Variants in OTUD7A observed in about 807,000 individuals in gnomAD.
OTUD7A encodes the protein OTU domain-containing protein 7A.
A neutral mutation model predicts 65.7 loss-of-function variants in OTUD7A; 12 were observed. The observed-to-expected ratio is 0.18, with a 90% CI of 0.12 to 0.30. OTUD7A has a LOEUF of 0.30. Among genes scored for constraint, OTUD7A ranks in the 10% least tolerant of loss-of-function variants. OTUD7A has a pLI of 1.00. For synonymous variants in OTUD7A, 641 were observed against 586.3 expected, an observed-to-expected ratio of 1.09 and a Z score of -1.35; for missense variants, 1,148 against 1,304.8, an observed-to-expected ratio of 0.88 and a Z score of 1.85.
At chr15:31,700,455 C>T (rs976587913) in intron 1 of OTUD7A, among the ~76,000 whole-genome samples, 1 of 151,588 alleles carries the variant, frequency 6.6e-6, no homozygotes, top group African/African-American at 2.4e-5. Context: ...TCAAGTCAGT[C>T]AAGACTGAAA....
Position 31,701,383 on chromosome 15 carries a change from A to G in OTUD7A, c.-99-44306T>C, listed in dbSNP as rs371255923. ...TTACAATTTTTTCCTAACTTAAAAA[A>G]TTATTATTTAAAGTTATTATAATTT... On this transcript the variant is annotated intron_variant, in intron 1 of 12. Transcript: ENST00000307050. Among the ~76,000 whole-genome samples the G allele has an allele frequency of 8.0e-3, 1,215 of 151,322 alleles. 11 individuals carry two copies. The highest frequency in any genetic ancestry group is 0.014 in the Non-Finnish European group (944 of 67,818).
At chr15:31,520,205 A>G (rs2041918919) in intron 8 of OTUD7A, among the ~76,000 whole-genome samples, 2 of 152,242 alleles carry the variant, frequency 1.3e-5, no homozygotes, top group Admixed American at 1.3e-4. Context: ...AAAAGAACAA[A>G]GCTGAAGGAT....
chr15:31,747,278 G>T (rs925861324), intron 1 of OTUD7A, among the ~76,000 whole-genome samples: 1 of 151,944 alleles, frequency 6.6e-6, no homozygotes, highest in South Asian at 2.1e-4. Flanking sequence ...TTATGACAAC[G>T]CCTAGAAGCA....
chr15:31,547,124 T>TAACTCTAAGAGAAAA (rs1888156711), intron 5 of OTUD7A, among the ~76,000 whole-genome samples: 1 of 152,240 alleles, frequency 6.6e-6, no homozygotes, highest in South Asian at 2.1e-4. Context: ...GAACCTGAGA[T>TAACTCTAAGAGAAAA]GACATTTTGA....
intron 5 of OTUD7A, among the ~76,000 whole-genome samples, chr15:31,552,733 C>T (rs1888364950): frequency 6.6e-6 from 1 of 152,256 alleles, no homozygotes; most frequent in Non-Finnish European, 1.5e-5. Flanking sequence ...TTGCCCAACG[C>T]TGCACCTGGC....
rs1167749923 is a variant in OTUD7A, at chr15:31,483,966, C to G, written c.2130G>C (p.Val710=). 2 of 1,138,872 alleles carry G rather than the reference C, an allele frequency of 1.8e-6. No homozygotes were observed. The highest frequency in any genetic ancestry group is 3.9e-5 in the Admixed American group (1 of 25,822). The allele number at this position is 1,138,872 out of a possible 1,614,324, so 70.5% of individuals were successfully genotyped here. A position where few individuals can be genotyped will look rare whatever the true frequency, so the allele number is the denominator to read the frequency against. The change falls in exon 13 of 13, where the codon GTG becomes GTC. Residue 710 remains valine, a synonymous_variant. Transcript: ENST00000307050. ...RPPRRPETEG[V]PVPERASPGP... ...CCGGAGAGGCGCGCTCCGGGACCGGCACGCCCTCCGTCTCCGGTCTGCGCG... is the reference window on the plus strand; with the variant it reads ...CCGGAGAGGCGCGCTCCGGGACCGGGACGCCCTCCGTCTCCGGTCTGCGCG...
intron 3 of OTUD7A, among the ~76,000 whole-genome samples, chr15:31,651,599 ACACAC>A (rs1891839511): frequency 1.3e-5 from 2 of 151,630 alleles, no homozygotes; most frequent in East Asian, 3.9e-4. Flanking sequence ...ACACACACAC[ACACAC>A]ACACACACAC....
At chr15:31,811,408 G>A (rs1349422289) in intron 1 of OTUD7A, among the ~76,000 whole-genome samples, 3 of 151,636 alleles carry the variant, frequency 2.0e-5, no homozygotes, top group African/African-American at 7.3e-5. Context: ...TATGATGTGG[G>A]CTGTGTCTGT....
intron 1 of OTUD7A, among the ~76,000 whole-genome samples, chr15:31,693,237 GGA>G (rs1892997696): frequency 2.6e-5 from 4 of 152,226 alleles, no homozygotes; most frequent in Admixed American, 2.0e-4. Flanking sequence ...GAAATAAAGA[GGA>G]GAGTCTCTTT....
intron 3 of OTUD7A, among the ~76,000 whole-genome samples, chr15:31,618,371 T>C (rs935621135): frequency 1.3e-5 from 2 of 152,242 alleles, no homozygotes; most frequent in African/African-American, 4.8e-5. Flanking sequence ...TCCACAATGG[T>C]TGAACTAGTT....
chr15:31,649,417 G>T (rs1658200667), intron 3 of OTUD7A, among the ~76,000 whole-genome samples: 1 of 151,420 alleles, frequency 6.6e-6, no homozygotes. Context: ...CTTTTTTTTT[G>T]AAATAAATAA....
intron 1 of OTUD7A, among the ~76,000 whole-genome samples, chr15:31,745,301 C>T (rs1161422437): frequency 6.6e-6 from 1 of 151,750 alleles, no homozygotes; most frequent in Admixed American, 6.6e-5. Context: ...TACTATAAAG[C>T]TACAGTAATC....
At chr15:31,698,315 T>C (rs1423705547) in intron 1 of OTUD7A, among the ~76,000 whole-genome samples, 4 of 152,232 alleles carry the variant, frequency 2.6e-5, no homozygotes, top group East Asian at 1.9e-4. Flanking sequence ...TCATGACCTG[T>C]TGATACTTCT....
At chr15:31,627,725 T>G (rs1595668051) in intron 3 of OTUD7A, among the ~76,000 whole-genome samples, 2 of 152,252 alleles carry the variant, frequency 1.3e-5, no homozygotes, top group African/African-American at 4.8e-5. Context: ...AAAGTGTTCC[T>G]ACTTTTCCAC....
chr15:31,562,332 G>A (rs1277060908), intron 4 of OTUD7A, among the ~76,000 whole-genome samples: 1 of 152,200 alleles, frequency 6.6e-6, no homozygotes, highest in Non-Finnish European at 1.5e-5. Context: ...AGGAGGCAAC[G>A]TTCCTTTGCC....
At chr15:31,548,345 T>C (rs888810763) in intron 5 of OTUD7A, among the ~76,000 whole-genome samples, 1 of 152,162 alleles carries the variant, frequency 6.6e-6, no homozygotes, top group Non-Finnish European at 1.5e-5. Flanking sequence ...GAGTGTTCCT[T>C]TGGAGATTTT....
intron 1 of OTUD7A, among the ~76,000 whole-genome samples, chr15:31,663,526 C>T (rs113445284): frequency 0.19 from 27,451 of 143,280 alleles, 2,777 homozygotes; most frequent in East Asian, 0.27. Context: ...TAAGTGAGAA[C>T]ATGTGGTGTT....
intron 5 of OTUD7A, among the ~76,000 whole-genome samples, chr15:31,555,844 C>CTTTTTCTTTTTTTT (rs149170000): frequency 1.1e-3 from 101 of 90,396 alleles, no homozygotes; most frequent in African/African-American, 1.5e-3. Flanking sequence ...TACCTCTGTT[C>CTTTTTCTTTTTTTT]TTTTTCTTTT....
rs559479172 is a variant in OTUD7A at position 31,836,501 on chromosome 15, C to T, written c.-100+34006G>A. ...AAATCCTTGCTAAGGATAATATTTT[C>T]CCAACTAATTGTATGAGGCTCATTT... On this transcript the variant is annotated intron_variant, in intron 1 of 12. Transcript: ENST00000307050. Among the ~76,000 whole-genome samples, 3 of 152,216 alleles carry T rather than the reference C, an allele frequency of 2.0e-5. No individual in the cohort carries two copies. The East Asian group carries it at 5.8e-4, about 29-fold the overall frequency.
Sources: allele counts gnomAD v4.1 joint callset (sites outside exome capture counted in the v4.1 genomes callset), GRCh38; gene constraint gnomAD v4.1.1; transcripts MANE v1.5; gene names NCBI Gene and HGNC (gene_info 2026-07-23, HGNC 2026-07-21).